C15orf39: variants seen among roughly 807,000 people sequenced by gnomAD.
C15orf39 encodes the protein PRMT2 interacting protein.
C15orf39 carries 24 observed loss-of-function variants against 53.9 expected under a neutral mutation model. The ratio of observed to expected loss-of-function variants is 0.45; its 90% CI spans 0.32 to 0.63. The LOEUF is 0.63. C15orf39 is among the 20% of genes least tolerant of loss of function. The pLI is 0.04. For synonymous variants in C15orf39, 569 were observed against 576.5 expected (o/e 0.99, Z 0.19); for missense variants, 1,271 against 1,347.9 (o/e 0.94, Z 0.89).
At chr15:75,204,034 G>T (rs1264939891) in intron 1 of C15orf39, among the ~76,000 whole-genome samples, 1 of 152,128 alleles carries the variant, frequency 6.6e-6, no homozygotes, top group Non-Finnish European at 1.5e-5. Flanking sequence ...GTGGGCATTG[G>T]CCCCCACACT....
chr15:75,210,040 T>G (rs2070472447), intron 2 of C15orf39, among the ~76,000 whole-genome samples: 1 of 152,180 alleles, frequency 6.6e-6, no homozygotes, highest in Non-Finnish European at 1.5e-5. Flanking sequence ...AGTTGGGCTG[T>G]CTGGGGCCCA....
Position 75,207,192 on chromosome 15 carries a change from C to G in C15orf39, c.1144C>G (p.Arg382Gly), listed in dbSNP as rs532905421. 7 of 1,613,726 alleles carry G rather than the reference C, an allele frequency of 4.3e-6. No homozygotes were observed. The highest frequency in any genetic ancestry group is 5.9e-6 in the Non-Finnish European group (7 of 1,179,986). ...APQTLSFPYA[R>G]DDLSLYGASP... ...CCAGACACTGAGTTTTCCTTATGCC[C>G]GGGATGACCTCTCTCTCTATGGAGC... The change falls in exon 2 of 3, where the codon CGG becomes GGG. Residue 382 changes from arginine (R) to glycine (G), a missense_variant. Coordinates refer to ENST00000394987, the MANE Select transcript of C15orf39 (RefSeq NM_015492.5).
At position 75,206,237 on chromosome 15, in the gene C15orf39, G is replaced by A; in HGVS notation, c.189G>A (p.Leu63=). The A allele has an allele frequency of 6.2e-7, 1 of 1,614,052 alleles. No individual in the cohort carries two copies. Among genetic ancestry groups the A allele is most frequent in the Non-Finnish European group, 8.5e-7 (1 of 1,179,960 alleles). The change falls in exon 2 of 3, where the codon TTG becomes TTA. Residue 63 remains leucine, a synonymous_variant. Coordinates refer to ENST00000394987, the MANE Select transcript of C15orf39 (RefSeq NM_015492.5). ...CTCCTAAGGCCGAGTCTGAGCAGTT[G>A]GCGTCCTGGACCCCATACCCACCCT... ...AGTPKAESEQ[L]ASWTPYPPLY...
In C15orf39 at chr15:75,206,345, A is replaced by G. The variant is rs778943835; in HGVS notation, c.297A>G (p.Glu99=). 2 of 1,614,094 alleles carry G rather than the reference A, an allele frequency of 1.2e-6. No individual in the cohort carries two copies. Among genetic ancestry groups the G allele is most frequent in the Non-Finnish European group, 1.7e-6 (2 of 1,179,994 alleles). ...TNCLFYRSPA[E]GPEKMQDSSP... ...GCCTGTTCTACCGCTCGCCAGCAGA[A>G]GGCCCTGAGAAGATGCAGGACTCCA... The change falls in exon 2 of 3, where the codon GAA becomes GAG. Residue 99 remains glutamate, a synonymous_variant. Coordinates refer to ENST00000394987, the MANE Select transcript of C15orf39 (RefSeq NM_015492.5).
chr15:75,202,243 G>A (rs2070408346), intron 1 of C15orf39, 184 bp downstream of exon 1: 2 of 152,248 alleles, frequency 1.3e-5, no homozygotes, highest in Non-Finnish European at 2.9e-5. Flanking sequence ...AACGGGCTGC[G>A]GGGCAGGGGT....
chr15:75,201,464 G>C (rs900738821), upstream of C15orf39, among the ~76,000 whole-genome samples: 3 of 152,230 alleles, frequency 2.0e-5, no homozygotes, highest in Non-Finnish European at 2.9e-5. This position sits in a 1 kb window ranked among gnomAD's most constrained non-coding sequence, Gnocchi z 4.7. Flanking sequence ...CACTAGTGCT[G>C]GACAGGGGAA....
upstream of C15orf39, among the ~76,000 whole-genome samples, chr15:75,200,829 C>A (rs530979810): frequency 1.3e-5 from 2 of 150,428 alleles, no homozygotes; most frequent in South Asian, 4.2e-4. Flanking sequence ...CACCTCCCGC[C>A]CCCGCTCCCC....
At chr15:75,200,100 G>A (rs1049192759), upstream of C15orf39, among the ~76,000 whole-genome samples, 1 of 152,204 alleles carries the variant, frequency 6.6e-6, no homozygotes, top group African/African-American at 2.4e-5. Context: ...AGTTGCTAAG[G>A]CAGGTCTCTC....
At position 75,210,965 on chromosome 15, in the gene C15orf39, C is replaced by A; in HGVS notation, c.2993C>A (p.Pro998His). ...SPTPATSASP[P>H]GPTLKARFRS... ...ACCCCTGCTACCAGTGCCAGCCCACCTGGCCCCACACTGAAGGCCCGCTTC... is the reference window on the plus strand; with the variant it reads ...ACCCCTGCTACCAGTGCCAGCCCACATGGCCCCACACTGAAGGCCCGCTTC... The change falls in exon 3 of 3, where the codon CCT becomes CAT. Residue 998 changes from proline to histidine, a missense_variant. By Grantham distance (77) the Pro-to-His change is moderately conservative. Transcript: ENST00000394987. 6.2e-7 allele frequency: 1 copy of A among 1,613,420 alleles called. No homozygotes were observed. Among genetic ancestry groups the A allele is most frequent in the Non-Finnish European group, 8.5e-7 (1 of 1,180,032 alleles).
chr15:75,205,120 C>T (rs1025137751), intron 1 of C15orf39, among the ~76,000 whole-genome samples: 1 of 152,188 alleles, frequency 6.6e-6, no homozygotes, highest in African/African-American at 2.4e-5. Context: ...GCTGGAGGCC[C>T]GACTCTGCCA....
rs2070484823 is a variant in C15orf39 at position 75,211,732 on chromosome 15, C to T, written c.*616C>T. 6.6e-6 allele frequency: 1 copy of T among 152,236 alleles called. No homozygotes were observed. Among genetic ancestry groups the T allele is most frequent in the Non-Finnish European group, 1.5e-5 (1 of 68,056 alleles). 9.4% of individuals were successfully genotyped at this position (152,236 alleles called of 1,614,324 possible). On this transcript the variant is annotated 3_prime_UTR_variant, in exon 3 of 3. Transcript: ENST00000394987. Reference sequence around the variant, plus strand: ...AGCTCCCTGAGGGAGCCTGCACTCCCTGCTCCCAATCCCCGCTACTGGTGC... The same window carrying T: ...AGCTCCCTGAGGGAGCCTGCACTCCTTGCTCCCAATCCCCGCTACTGGTGC...
Position 75,208,095 on chromosome 15 carries a change from A to C in C15orf39, c.2047A>C (p.Thr683Pro), listed in dbSNP as rs1419490213. The C allele has an allele frequency of 6.2e-7, 1 of 1,613,136 alleles. No individual in the cohort carries two copies. ...SAPAPTQPAP[T>P]PTSGPIGLRI... ...TCCTGCTCCCACACAGCCTGCACCC[A>C]CCCCCACATCTGGGCCCATTGGACT... Residue 683 changes from threonine to proline, a missense_variant, in exon 2 of 3, where the codon ACC becomes CCC. Physicochemically the swap from Thr to Pro is conservative, Grantham distance 38. Coordinates refer to ENST00000394987, the MANE Select transcript of C15orf39 (RefSeq NM_015492.5).
At chr15:75,202,612 T>G (rs947014184) in intron 1 of C15orf39, among the ~76,000 whole-genome samples, 4 of 152,150 alleles carry the variant, frequency 2.6e-5, no homozygotes, top group African/African-American at 9.6e-5. Flanking sequence ...GCCCGGACCC[T>G]GTCGCCGGGC....
upstream of C15orf39, among the ~76,000 whole-genome samples, chr15:75,201,071 T>A (rs1006440840): frequency 6.6e-6 from 1 of 152,054 alleles, no homozygotes; most frequent in Non-Finnish European, 1.5e-5. This position sits in a 1 kb window ranked among gnomAD's most constrained non-coding sequence, Gnocchi z 4.7. Flanking sequence ...CTGTTCCCAG[T>A]CCTCGGGCAG....
intron 1 of C15orf39, among the ~76,000 whole-genome samples, chr15:75,205,023 C>T (rs1460231302): frequency 6.6e-6 from 1 of 152,194 alleles, no homozygotes; most frequent in Non-Finnish European, 1.5e-5. Context: ...CTTGTACAGA[C>T]TGATGTCCCC....
chr15:75,206,114 G>A lies in C15orf39; in HGVS notation c.66G>A (p.Glu22=), dbSNP rs2070435510. The change falls in exon 2 of 3, where the codon GAG becomes GAA. Residue 22 remains glutamate, a synonymous_variant. Transcript: ENST00000394987. ...TGTATGGCAAGCTGCCCCGCTTAGAGACAGACTCCGGGCTCGAGCACAGCC... is the reference window on the plus strand; with the variant it reads ...TGTATGGCAAGCTGCCCCGCTTAGAAACAGACTCCGGGCTCGAGCACAGCC... ...PVMYGKLPRL[E]TDSGLEHSLP... 1 of 1,613,690 alleles carries A rather than the reference G, an allele frequency of 6.2e-7. No individual in the cohort carries two copies. Among genetic ancestry groups the A allele is most frequent in the Non-Finnish European group, 8.5e-7 (1 of 1,179,862 alleles).
At chr15:75,205,051 G>C (rs1223590819) in intron 1 of C15orf39, among the ~76,000 whole-genome samples, 1 of 152,326 alleles carries the variant, frequency 6.6e-6, no homozygotes, top group East Asian at 1.9e-4. Flanking sequence ...TCTCCTAGGG[G>C]ACTGCTCTCC....
chr15:75,200,632 T>C (rs936618950), upstream of C15orf39, among the ~76,000 whole-genome samples: 1 of 152,068 alleles, frequency 6.6e-6, no homozygotes, highest in Non-Finnish European at 1.5e-5. Context: ...CGCAGATGTA[T>C]TTTCCTGACG....
chr15:75,205,873 T>C (rs1233405257), intron 1 of C15orf39, 126 bp from the exon 2 acceptor site: 1 of 663,528 alleles, frequency 1.5e-6, no homozygotes, highest in Non-Finnish European at 2.5e-6. Flanking sequence ...CTCACAGTCT[T>C]AACTGAGCAT....
Sources: allele counts gnomAD v4.1 joint callset (sites outside exome capture counted in the v4.1 genomes callset), GRCh38; gene constraint gnomAD v4.1.1; non-coding constraint Gnocchi (gnomAD v3.1); transcripts MANE v1.5; gene names NCBI Gene and HGNC (gene_info 2026-07-23, HGNC 2026-07-21).